ZYG11B: variants seen among roughly 807,000 people sequenced by gnomAD.
The protein encoded by ZYG11B is protein zyg-11 homolog B.
ZYG11B carries 36 observed loss-of-function variants against 82.4 expected under a neutral mutation model. That is an observed-to-expected ratio of 0.44 (90% CI 0.33 to 0.58). The LOEUF (loss-of-function observed/expected upper bound fraction) is 0.58. Ranked by LOEUF, ZYG11B falls within the 20% of genes least tolerant of loss-of-function variation. The pLI is 0.02. For synonymous variants in ZYG11B, 303 were observed against 312.8 expected (o/e 0.97, Z 0.33); for missense variants, 552 against 895.6 (o/e 0.62, Z 4.90).
At chr1:52,765,733 C>A (rs187076090) in intron 2 of ZYG11B, among the ~76,000 whole-genome samples, 3 of 152,094 alleles carry the variant, frequency 2.0e-5, no homozygotes, top group Admixed American at 6.5e-5. Context: ...AAACTCCTGG[C>A]CTCGGGTAAT....
chr1:52,767,550 G>T (rs774852530), intron 2 of ZYG11B, among the ~76,000 whole-genome samples: 7 of 151,996 alleles, frequency 4.6e-5, no homozygotes, highest in Non-Finnish European at 1.0e-4. Context: ...TGATCCATCC[G>T]CCTCGGCCTC....
chr1:52,760,444 G>GACA (rs557722602), intron 2 of ZYG11B, among the ~76,000 whole-genome samples: 19 of 151,706 alleles, frequency 1.3e-4, no homozygotes, highest in Non-Finnish European at 1.8e-4. Flanking sequence ...GACTCTTAAC[G>GACA]ACAACAACAA....
chr1:52,760,342 G>A (rs150109271), intron 2 of ZYG11B, among the ~76,000 whole-genome samples: 251 of 152,212 alleles, frequency 1.6e-3, no homozygotes, highest in African/African-American at 5.9e-3. Context: ...TACTGAGGAG[G>A]CTGAGGCAGA....
chr1:52,780,643 G>A (rs969660273), intron 4 of ZYG11B, among the ~76,000 whole-genome samples: 6 of 151,888 alleles, frequency 4.0e-5, no homozygotes, highest in Non-Finnish European at 8.8e-5. Flanking sequence ...TAAGACATAG[G>A]GTCTTACTGT....
chr1:52,805,402 G>T (rs1645133895), intron 10 of ZYG11B: 1 of 448,230 alleles, frequency 2.2e-6, no homozygotes, highest in South Asian at 1.6e-5. Context: ...GTAGAAAATG[G>T]AAAACAACCT....
At chr1:52,792,040 G>A (rs903845593) in intron 6 of ZYG11B, among the ~76,000 whole-genome samples, 9 of 152,148 alleles carry the variant, frequency 5.9e-5, no homozygotes, top group African/African-American at 2.2e-4. Flanking sequence ...GTAAGCAAAT[G>A]GATATGGCTG....
At position 52,763,667 on chromosome 1, in the gene ZYG11B, C is replaced by T. The variant is rs369796508; in HGVS notation, c.196+7044C>T. ...AATCTGATGTTAGAGTTCTACTTAT[C>T]GGGGTCTGTGATTCTCTTGTCATAA... On this transcript the variant is annotated intron_variant, in intron 2 of 13. Transcript: ENST00000294353. Among the ~76,000 whole-genome samples the T allele has an allele frequency of 7.9e-5, 12 of 152,240 alleles. No homozygotes were observed. The East Asian group carries it at 1.7e-3, about 22-fold the overall frequency.
chr1:52,817,813 A>ATATATG (rs1645247362), intron 13 of ZYG11B, among the ~76,000 whole-genome samples: 3 of 34,390 alleles, frequency 8.7e-5, no homozygotes, highest in Non-Finnish European at 1.5e-4. Flanking sequence ...ATATATATAT[A>ATATATG]TATTTTTTTT....
At chr1:52,747,597 C>G (rs193127715) in intron 1 of ZYG11B, among the ~76,000 whole-genome samples, 4 of 151,638 alleles carry the variant, frequency 2.6e-5, no homozygotes, top group Admixed American at 2.6e-4. Flanking sequence ...TTCTCTCTCT[C>G]GTAACAGGTA....
At chr1:52,746,851 G>A (rs1420547057) in intron 1 of ZYG11B, among the ~76,000 whole-genome samples, 1 of 149,420 alleles carries the variant, frequency 6.7e-6, no homozygotes, top group Non-Finnish European at 1.5e-5. Context: ...ACAGATCTGG[G>A]TTAAATCTGG....
chr1:52,738,872 A>G (rs1644399352), intron 1 of ZYG11B, among the ~76,000 whole-genome samples: 1 of 151,150 alleles, frequency 6.6e-6, no homozygotes, highest in South Asian at 2.1e-4. Flanking sequence ...GGCCTCCCAA[A>G]GTGCTAGGAT....
intron 2 of ZYG11B, among the ~76,000 whole-genome samples, chr1:52,768,796 G>A (rs909393673): frequency 2.6e-5 from 4 of 151,956 alleles, no homozygotes; most frequent in Admixed American, 1.3e-4. Flanking sequence ...GTTTTGCCAC[G>A]TTGGCCAGGC....
chr1:52,802,036 C>T, intron 9 of ZYG11B, 56 bp downstream of exon 9: 8 of 1,581,036 alleles, frequency 5.1e-6, no homozygotes, highest in Non-Finnish European at 6.9e-6. Flanking sequence ...TTTACTTTAG[C>T]ATTTATTTTA....
At position 52,801,769 on chromosome 1, in the gene ZYG11B, G is replaced by A. The variant is rs1467340228; in HGVS notation, c.1486-50G>A. The A allele has an allele frequency of 2.1e-6, 3 of 1,459,082 alleles. No homozygotes were observed. The African/African-American group carries it at 4.3e-5, about 21-fold the overall frequency. 90.4% of individuals were successfully genotyped at this position (1,459,082 alleles called of 1,614,324 possible). On this transcript the variant is annotated intron_variant, in intron 8 of 13. Coordinates refer to ENST00000294353, the MANE Select transcript of ZYG11B (RefSeq NM_024646.3). ...TTGGGGTTATTAATCACCACAAATT[G>A]TAATAACAGTTCAAAAGTGAAAACT...
At chr1:52,794,721 T>C (rs1644993279) in intron 6 of ZYG11B, among the ~76,000 whole-genome samples, 1 of 152,182 alleles carries the variant, frequency 6.6e-6, no homozygotes, top group East Asian at 1.9e-4. Context: ...AGGATGAAAC[T>C]GTGGGTAAGA....
intron 1 of ZYG11B, among the ~76,000 whole-genome samples, chr1:52,750,054 A>T (rs1222958248): frequency 4.6e-5 from 7 of 152,094 alleles, no homozygotes; most frequent in Admixed American, 3.9e-4. Context: ...ATTTTGATGT[A>T]TTTATTTCTA....
intron 1 of ZYG11B, among the ~76,000 whole-genome samples, chr1:52,742,082 G>T (rs58917300): frequency 0.026 from 3,983 of 152,274 alleles, 134 homozygotes; most frequent in East Asian, 0.17. Flanking sequence ...CAATAAAGGA[G>T]CACTGTGAAA....
intron 10 of ZYG11B, among the ~76,000 whole-genome samples, chr1:52,809,335 C>T (rs1558142684): frequency 6.6e-6 from 1 of 152,230 alleles, no homozygotes; most frequent in East Asian, 1.9e-4. Context: ...TTCCATTCCC[C>T]CATTCTGCAG....
intron 3 of ZYG11B, among the ~76,000 whole-genome samples, chr1:52,773,449 G>C (rs1167436572): frequency 2.0e-5 from 3 of 148,740 alleles, no homozygotes; most frequent in African/African-American, 7.5e-5. Context: ...ACTCAAGCCT[G>C]GGTGACAGCG....
Sources: allele counts gnomAD v4.1 joint callset (sites outside exome capture counted in the v4.1 genomes callset), GRCh38; gene constraint gnomAD v4.1.1; transcripts MANE v1.5; gene names NCBI Gene and HGNC (gene_info 2026-07-23, HGNC 2026-07-21).